Variants in UGT2B10 observed in about 807,000 individuals in gnomAD.
UGT2B10 encodes UDP glucuronosyltransferase family 2 member B10.
Under a neutral mutation model 43.7 loss-of-function variants are expected in UGT2B10, and 51 were observed. That is an observed-to-expected ratio of 1.17 (90% CI 0.93 to 1.47). UGT2B10 has a LOEUF of 1.47. Among genes scored for constraint, UGT2B10 ranks in the 40% most tolerant of loss-of-function variants. The pLI is 0.00. For synonymous variants in UGT2B10, 225 were observed against 209.0 expected (o/e 1.08, Z -0.66); for missense variants, 696 against 617.7 (o/e 1.13, Z -1.34).
At chr4:68,826,291 C>T in intron 3 of UGT2B10, 119 bp from the exon 4 acceptor site, 1 of 1,113,382 alleles carries the variant, frequency 9.0e-7, no homozygotes. Context: ...TTGCATCAGT[C>T]TTTGAGTAGA....
At position 68,830,639 on chromosome 4, in the gene UGT2B10, T is replaced by C. The variant is rs1738039787; in HGVS notation, c.1347T>C (p.His449=). The C allele has an allele frequency of 6.2e-7, 1 of 1,613,134 alleles. No individual in the cohort carries two copies. The highest frequency in any genetic ancestry group is 8.5e-7 in the Non-Finnish European group (1 of 1,179,394). ...ENIMKLSRIQ[H]DQPVKPLDRA... ...TTATGAAATTATCAAGAATTCAACA[T>C]GATCAACCAGTGAAGCCCCTGGATC... Residue 449 remains histidine (H), a synonymous_variant, in exon 6 of 6, where the codon CAT becomes CAC. Transcript: ENST00000265403.
rs1342071428 is a variant in UGT2B10 at position 68,831,661 on chromosome 4, G to C, written c.*782G>C. On this transcript the variant is annotated 3_prime_UTR_variant, in exon 6 of 6. Coordinates refer to ENST00000265403, the MANE Select transcript of UGT2B10 (RefSeq NM_001075.6). ...TGATTAAAATCTAAAATTGCTTTCT[G>C]TTAAAGCTTTACTGATTAGTTTTTC... Among the ~76,000 whole-genome samples the C allele has an allele frequency of 2.6e-5, 4 of 152,164 alleles. No homozygotes were observed. Among genetic ancestry groups the C allele is most frequent in the Non-Finnish European group, 5.9e-5 (4 of 67,974 alleles).
At chr4:68,817,402 C>T (rs555329194) in intron 1 of UGT2B10, among the ~76,000 whole-genome samples, 17 of 151,726 alleles carry the variant, frequency 1.1e-4, no homozygotes, top group East Asian at 1.9e-4. Context: ...TTTAAAAATA[C>T]GAGACTGATT....
intron 3 of UGT2B10, among the ~76,000 whole-genome samples, chr4:68,825,973 C>T (rs1737751512): frequency 6.6e-6 from 1 of 151,980 alleles, no homozygotes; most frequent in African/African-American, 2.4e-5. Context: ...ATAAGCATTC[C>T]TTTTCTATAC....
At chr4:68,829,663 C>A (rs866730622) in intron 5 of UGT2B10, among the ~76,000 whole-genome samples, 1 of 151,968 alleles carries the variant, frequency 6.6e-6, no homozygotes, top group South Asian at 2.1e-4. Context: ...GGGAGAGAAG[C>A]ATGCCTTGGG....
At position 68,818,077 on chromosome 4, in the gene UGT2B10, T is replaced by A. The variant is rs772559840; in HGVS notation, c.767T>A (p.Leu256His). Residue 256 changes from leucine (L) to histidine (H), a missense_variant, in exon 2 of 6, where the codon CTT becomes CAT. Leu to His is a moderately conservative substitution (Grantham distance 99). Transcript: ENST00000265403. ...SETMRKADIW[L>H]MRNSWNFKFP... is the part of the protein sequence containing the mutation. Reference sequence around the variant, plus strand: ...ACAATGAGGAAAGCTGACATATGGCTTATGCGAAACTCCTGGAATTTTAAA... The same window carrying A: ...ACAATGAGGAAAGCTGACATATGGCATATGCGAAACTCCTGGAATTTTAAA... 1 of 1,611,796 alleles carries A rather than the reference T, an allele frequency of 6.2e-7. No homozygotes were observed. The highest frequency in any genetic ancestry group is 2.2e-5 in the East Asian group (1 of 44,758).
At chr4:68,823,383 T>C (rs532670268) in intron 3 of UGT2B10, among the ~76,000 whole-genome samples, 1 of 152,012 alleles carries the variant, frequency 6.6e-6, no homozygotes, top group Non-Finnish European at 1.5e-5. Context: ...GGTGTGTGCC[T>C]GTAACCCCAG....
Position 68,816,304 on chromosome 4 carries a change from A to T in UGT2B10, c.285A>T (p.Arg95Ser). ...FENIIMQLVK[R>S]LSEIQKDTFW... ...ATATCATCATGCAATTGGTTAAGAG[A>T]TTGTCAGAAATTCAAAAAGATACAT... The change falls in exon 1 of 6, where the codon AGA (arginine) becomes AGT (serine). Residue 95 changes from arginine to serine, a missense_variant. Arg to Ser is a moderately radical substitution (Grantham distance 110, BLOSUM62 -1). Coordinates refer to ENST00000265403, the MANE Select transcript of UGT2B10 (RefSeq NM_001075.6). 1.2e-6 allele frequency: 2 copies of T among 1,613,172 alleles called. No individual in the cohort carries two copies. The highest frequency in any genetic ancestry group is 1.7e-6 in the Non-Finnish European group (2 of 1,179,426).
intron 2 of UGT2B10, among the ~76,000 whole-genome samples, chr4:68,818,796 T>A (rs1399877710): frequency 6.6e-6 from 1 of 151,584 alleles, no homozygotes; most frequent in African/African-American, 2.4e-5. Flanking sequence ...GTCCTCAGGT[T>A]TAGTTTGCAG....
chr4:68,828,171 C>T (rs1737897127), intron 5 of UGT2B10, among the ~76,000 whole-genome samples: 1 of 152,000 alleles, frequency 6.6e-6, no homozygotes, highest in South Asian at 2.1e-4. Context: ...AATTTGTTTT[C>T]TTTCTCTATA....
intron 2 of UGT2B10, among the ~76,000 whole-genome samples, chr4:68,820,766 C>G (rs1737452414): frequency 1.3e-5 from 2 of 151,904 alleles, no homozygotes; most frequent in African/African-American, 4.8e-5. Flanking sequence ...TACATAATTT[C>G]TATAAATAAT....
chr4:68,819,687 A>T (rs1309155806), intron 2 of UGT2B10, among the ~76,000 whole-genome samples: 1 of 151,994 alleles, frequency 6.6e-6, no homozygotes, highest in South Asian at 2.1e-4. Flanking sequence ...CTGACAGAGA[A>T]GCACAGAGAT....
chr4:68,830,831 T>C lies in UGT2B10; in HGVS notation c.1539T>C (p.Phe513=). ...VLFIITKCCL[F]CFWKFARKGK... Reference sequence around the variant, plus strand: ...TTATCATCACAAAGTGTTGTCTGTTTTGTTTCTGGAAGTTTGCTAGAAAAG... The same window carrying C: ...TTATCATCACAAAGTGTTGTCTGTTCTGTTTCTGGAAGTTTGCTAGAAAAG... The change falls in exon 6 of 6, where the codon TTT becomes TTC. Residue 513 remains phenylalanine, a synonymous_variant. Coordinates refer to ENST00000265403, the MANE Select transcript of UGT2B10 (RefSeq NM_001075.6). 3.7e-6 allele frequency: 6 copies of C among 1,613,188 alleles called. No homozygotes were observed. Among genetic ancestry groups the C allele is most frequent in the Non-Finnish European group, 5.1e-6 (6 of 1,179,440 alleles).
Position 68,827,513 on chromosome 4 carries a change from G to T in UGT2B10, c.1272G>T (p.Leu424=). The T allele has an allele frequency of 6.2e-7, 1 of 1,613,324 alleles. No homozygotes were observed. Among genetic ancestry groups the T allele is most frequent in the Non-Finnish European group, 8.5e-7 (1 of 1,179,472 alleles). The change falls in exon 5 of 6, where the codon CTG becomes CTT. Residue 424 remains leucine (L), a synonymous_variant. Transcript: ENST00000265403. ...VDFNTMSSTD[L]LNALKTVIND... ...TCAACACAATGTCGAGTACAGACCT[G>T]CTGAATGCACTGAAGACAGTAATTA...
chr4:68,825,188 A>G (rs187446353), intron 3 of UGT2B10, among the ~76,000 whole-genome samples: 1,840 of 152,144 alleles, frequency 0.012, 28 homozygotes, highest in African/African-American at 0.042. Context: ...AAATTTGGAG[A>G]TGAAAACTAA....
intron 3 of UGT2B10, among the ~76,000 whole-genome samples, chr4:68,823,427 A>G (rs1737613134): frequency 6.6e-6 from 1 of 152,120 alleles, no homozygotes; most frequent in African/African-American, 2.4e-5. Context: ...GAATCCCTTG[A>G]ACCAAGGAGG....
In UGT2B10 at chr4:68,816,151, A is replaced by G; in HGVS notation, c.132A>G (p.Glu44=). 6.2e-7 allele frequency: 1 copy of G among 1,613,214 alleles called. No individual in the cohort carries two copies. The highest frequency in any genetic ancestry group is 8.5e-7 in the Non-Finnish European group (1 of 1,179,432). ...LWMNMKTILK[E]LVQRGHEVTV... is the part of the protein sequence containing the mutation. Reference sequence around the variant, plus strand: ...TGAATATGAAGACAATCCTGAAAGAACTTGTTCAGAGAGGTCATGAGGTGA... The same window carrying G: ...TGAATATGAAGACAATCCTGAAAGAGCTTGTTCAGAGAGGTCATGAGGTGA... The change falls in exon 1 of 6, where the codon GAA becomes GAG. Residue 44 remains glutamate, a synonymous_variant. Transcript: ENST00000265403.
At position 68,822,316 on chromosome 4, in the gene UGT2B10, G is replaced by A. The variant is rs368640474; in HGVS notation, c.913G>A (p.Val305Met). 1 of 1,613,290 alleles carries A rather than the reference G, an allele frequency of 6.2e-7. No individual in the cohort carries two copies. The highest frequency in any genetic ancestry group is 1.3e-5 in the African/African-American group (1 of 74,856). ...VQSSGENGVV[V>M]FSLGSMVSNM... Reference sequence around the variant, plus strand: ...GAGCTCTGGAGAAAATGGTGTTGTGGTGTTTTCTCTGGGGTCAATGGTCAG... The same window carrying A: ...GAGCTCTGGAGAAAATGGTGTTGTGATGTTTTCTCTGGGGTCAATGGTCAG... The change falls in exon 3 of 6, where the codon GTG (valine) becomes ATG (methionine). Residue 305 changes from valine (V) to methionine (M), a missense_variant. Coordinates refer to ENST00000265403, the MANE Select transcript of UGT2B10 (RefSeq NM_001075.6).
chr4:68,822,436 A>G (rs1737557212), intron 3 of UGT2B10, 34 bp downstream of exon 3: 1 of 1,610,594 alleles, frequency 6.2e-7, no homozygotes, highest in South Asian at 1.1e-5. Context: ...GTGGAAAACT[A>G]CTGAAAGAGG....
Sources: gnomAD v4.1 joint callset for allele counts (sites outside exome capture counted in the v4.1 genomes callset) on GRCh38, gnomAD v4.1.1 for gene constraint, MANE v1.5 for transcripts, NCBI Gene and HGNC (gene_info 2026-07-23, HGNC 2026-07-21) for gene names.